CELF2: variants seen among roughly 807,000 people sequenced by gnomAD.
CELF2 encodes CUG triplet repeat RNA-binding protein 2.
CELF2 carries 8 observed loss-of-function variants against 62.6 expected under a neutral mutation model. The observed-to-expected ratio is 0.13, with a 90% confidence interval of 0.07 to 0.23. The LOEUF is 0.23. Among genes scored for constraint, CELF2 ranks in the 10% least tolerant of loss-of-function variants. CELF2 has a pLI of 1.00. For synonymous variants in CELF2, 258 were observed against 250.0 expected (o/e 1.03, Z -0.30); for missense variants, 333 against 671.0 (o/e 0.50, Z 5.56).
chr10:10,619,257 C>T, the CELF2 span, among the ~76,000 whole-genome samples: 2 of 152,188 alleles, frequency 1.3e-5, no homozygotes, highest in African/African-American at 4.8e-5. Context: ...GAAATCTTAT[C>T]AAGGACTCTC....
intron 1 of CELF2, among the ~76,000 whole-genome samples, chr10:11,037,303 C>T (rs2061118538): frequency 6.6e-6 from 1 of 152,326 alleles, no homozygotes; most frequent in South Asian, 2.1e-4. Context: ...GAGAAACCCA[C>T]CCCCTTGATT....
the CELF2 span, among the ~76,000 whole-genome samples, chr10:10,639,301 T>C: frequency 6.6e-6 from 1 of 152,234 alleles, no homozygotes; most frequent in African/African-American, 2.4e-5. Flanking sequence ...AAAGAAATTA[T>C]TTTCCAATCT....
At chr10:10,611,918 T>C in the CELF2 span, among the ~76,000 whole-genome samples, 4 of 152,198 alleles carry the variant, frequency 2.6e-5, no homozygotes, top group Non-Finnish European at 4.4e-5. Flanking sequence ...CAGTGATTCA[T>C]ATTGATCCAT....
chr10:11,210,005 C>T (rs1435919710), intron 2 of CELF2, among the ~76,000 whole-genome samples: 3 of 151,996 alleles, frequency 2.0e-5, no homozygotes, highest in Non-Finnish European at 2.9e-5. Flanking sequence ...GAGCTTCATT[C>T]ACAGGAAAAA....
intron 1 of CELF2, among the ~76,000 whole-genome samples, chr10:10,808,293 C>T (rs1335377888): frequency 2.6e-5 from 4 of 152,272 alleles, no homozygotes; most frequent in South Asian, 4.1e-4. Context: ...TTTTGAAATA[C>T]CACATTTACC....
intron 1 of CELF2, among the ~76,000 whole-genome samples, chr10:10,898,832 A>G (rs2062742046): frequency 6.6e-6 from 1 of 152,250 alleles, no homozygotes; most frequent in African/African-American, 2.4e-5. Flanking sequence ...CACATAGAAC[A>G]TTTAGCAAAA....
chr10:11,099,889 AAAAAAAAAAAAAACAG>A (rs2051002706), intron 1 of CELF2, among the ~76,000 whole-genome samples: 1 of 93,584 alleles, frequency 1.1e-5, no homozygotes, highest in African/African-American at 6.2e-5. Context: ...AACAACAAAA[AAAAAAAAAAAAAACAG>A]AAAAAACAGC....
chr10:11,029,069 G>T (rs1160586322), intron 1 of CELF2, among the ~76,000 whole-genome samples: 1 of 152,204 alleles, frequency 6.6e-6, no homozygotes, highest in Non-Finnish European at 1.5e-5. Flanking sequence ...AGACCTGGCA[G>T]CCTTGGGTGG....
the CELF2 span, among the ~76,000 whole-genome samples, chr10:10,506,837 G>C: frequency 6.6e-6 from 1 of 151,714 alleles, no homozygotes; most frequent in Non-Finnish European, 1.5e-5. Context: ...GCTAATTTTT[G>C]TATTTTCAGT....
the CELF2 span, among the ~76,000 whole-genome samples, chr10:10,787,225 G>GTC: frequency 6.8e-6 from 1 of 148,032 alleles, no homozygotes; most frequent in African/African-American, 2.5e-5. Context: ...AAGGTTTGAT[G>GTC]TCACACACAC....
the CELF2 span, among the ~76,000 whole-genome samples, chr10:10,496,148 C>T: frequency 7.2e-5 from 11 of 152,154 alleles, no homozygotes; most frequent in Non-Finnish European, 1.6e-4. Context: ...TTGCCTAAAG[C>T]CGTGCAGGTC....
intron 3 of CELF2, among the ~76,000 whole-genome samples, chr10:11,234,549 G>A (rs1343866749): frequency 6.6e-6 from 1 of 151,778 alleles, no homozygotes; most frequent in Non-Finnish European, 1.5e-5. Context: ...AGATGAGGTG[G>A]CGGGCACCTG....
intron 1 of CELF2, among the ~76,000 whole-genome samples, chr10:10,900,254 C>T (rs1218115711): frequency 6.6e-6 from 1 of 152,188 alleles, no homozygotes; most frequent in Admixed American, 6.5e-5. Context: ...CCTGTTAGCA[C>T]AAGCAAGGGT....
intron 2 of CELF2, among the ~76,000 whole-genome samples, chr10:10,959,373 G>T (rs375118001): frequency 6.6e-6 from 1 of 152,178 alleles, no homozygotes; most frequent in Non-Finnish European, 1.5e-5. Context: ...AAGTAAGGAA[G>T]ACTTTATTAT....
chr10:10,687,498 A>G, the CELF2 span, among the ~76,000 whole-genome samples: 1 of 152,166 alleles, frequency 6.6e-6, no homozygotes, highest in South Asian at 2.1e-4. Flanking sequence ...AAAAGTAGGT[A>G]TTGTTCTTAT....
At chr10:10,900,743 A>G (rs1168774435) in intron 1 of CELF2, among the ~76,000 whole-genome samples, 1 of 152,220 alleles carries the variant, frequency 6.6e-6, no homozygotes, top group Non-Finnish European at 1.5e-5. Flanking sequence ...ATACAAAAGT[A>G]CAACATAAAA....
At chr10:10,845,231 G>T (rs2058935132) in intron 1 of CELF2, among the ~76,000 whole-genome samples, 1 of 151,326 alleles carries the variant, frequency 6.6e-6, no homozygotes, top group Non-Finnish European at 1.5e-5. Context: ...TCAAATGGGA[G>T]ATCTGTATTA....
the CELF2 span, among the ~76,000 whole-genome samples, chr10:10,462,990 C>T: frequency 2.6e-4 from 40 of 152,150 alleles, no homozygotes; most frequent in African/African-American, 7.7e-4. Flanking sequence ...CAGACCATAA[C>T]GAGTCTGCTG....
chr10:10,523,485 T>C, the CELF2 span, among the ~76,000 whole-genome samples: 1 of 152,204 alleles, frequency 6.6e-6, no homozygotes. Context: ...CTGTATACAT[T>C]TACAGACATT....
Sources: gnomAD v4.1 joint callset for allele counts (sites outside exome capture counted in the v4.1 genomes callset) on GRCh38, gnomAD v4.1.1 for gene constraint, MANE v1.5 for transcripts, NCBI Gene and HGNC (gene_info 2026-07-23, HGNC 2026-07-21) for gene names.